The following TOX variants were observed in gnomAD, a reference collection of about 807,000 sequenced individuals.
The protein encoded by TOX is thymocyte selection associated high mobility group box.
In TOX, 11 loss-of-function variants were observed where a neutral mutation model predicts 53.7. That is an observed-to-expected ratio of 0.20 (90% CI 0.13 to 0.34). The LOEUF is 0.34. Among genes scored for constraint, TOX ranks in the 10% least tolerant of loss-of-function variants. TOX has a pLI of 1.00. For missense variants in TOX, 570 were observed against 664.6 expected (o/e 0.86, Z 1.56); for synonymous variants, 225 against 245.3 (o/e 0.92, Z 0.77).
chr8:59,112,120 C>A (rs1437456237), intron 1 of TOX, among the ~76,000 whole-genome samples: 1 of 152,182 alleles, frequency 6.6e-6, no homozygotes, highest in African/African-American at 2.4e-5. Flanking sequence ...TACCTCCCAT[C>A]AGGAAAGAGC....
chr8:58,849,429 T>G (rs895059458), intron 4 of TOX, among the ~76,000 whole-genome samples: 3 of 152,194 alleles, frequency 2.0e-5, no homozygotes, highest in Non-Finnish European at 4.4e-5. Flanking sequence ...ATAAATTATT[T>G]CAAGATGTGG....
At chr8:58,838,699 CTTTTTTT>C (rs35347981) in intron 4 of TOX, among the ~76,000 whole-genome samples, 4 of 88,912 alleles carry the variant, frequency 4.5e-5, no homozygotes, top group African/African-American at 6.0e-5. Flanking sequence ...TTATCCTTGT[CTTTTTTT>C]TTTTTTTTTT....
At chr8:59,000,069 T>A (rs1813660125) in intron 1 of TOX, among the ~76,000 whole-genome samples, 1 of 152,156 alleles carries the variant, frequency 6.6e-6, no homozygotes, top group Admixed American at 6.6e-5. Flanking sequence ...TTTTAAAAAA[T>A]ATAATCAGGT....
intron 1 of TOX, among the ~76,000 whole-genome samples, chr8:59,071,626 T>A: frequency 6.6e-6 from 1 of 152,164 alleles, no homozygotes; most frequent in East Asian, 1.9e-4. Flanking sequence ...GTCACCATAA[T>A]GCCCTATAGT....
intron 3 of TOX, among the ~76,000 whole-genome samples, chr8:58,912,901 T>A (rs1811930081): frequency 6.6e-6 from 1 of 152,220 alleles, no homozygotes; most frequent in Non-Finnish European, 1.5e-5. Flanking sequence ...TCTACCTGTA[T>A]ATCCACAGAG....
chr8:59,075,069 A>G (rs1317283794), intron 1 of TOX, among the ~76,000 whole-genome samples: 1 of 152,238 alleles, frequency 6.6e-6, no homozygotes, highest in East Asian at 1.9e-4. Flanking sequence ...AGACAAATTG[A>G]CAAAATGTAT....
chr8:59,078,443 G>A (rs1804332689), intron 1 of TOX, among the ~76,000 whole-genome samples: 1 of 152,134 alleles, frequency 6.6e-6, no homozygotes, highest in Admixed American at 6.5e-5. Context: ...TCATTTAAAA[G>A]GGCGTGGCAC....
intron 1 of TOX, among the ~76,000 whole-genome samples, chr8:59,113,538 C>T (rs964138846): frequency 3.3e-5 from 5 of 152,004 alleles, no homozygotes; most frequent in Non-Finnish European, 4.4e-5. Context: ...TGGATATGTT[C>T]GCATGATTAT....
chr8:58,881,399 C>T (rs1170093298), intron 3 of TOX, among the ~76,000 whole-genome samples: 2 of 69,352 alleles, frequency 2.9e-5, no homozygotes, highest in Non-Finnish European at 5.1e-5. Flanking sequence ...AACTAGCCCC[C>T]ATCCTTGCAT....
At chr8:58,810,197 A>T (rs1810054271) in intron 7 of TOX, among the ~76,000 whole-genome samples, 1 of 151,878 alleles carries the variant, frequency 6.6e-6, no homozygotes, top group Non-Finnish European at 1.5e-5. Flanking sequence ...AGAGATGGAG[A>T]CTTGCAATGT....
intron 1 of TOX, among the ~76,000 whole-genome samples, chr8:58,999,120 T>C (rs1162303106): frequency 1.3e-5 from 2 of 152,168 alleles, no homozygotes; most frequent in Admixed American, 1.3e-4. Context: ...TTGGTTATAG[T>C]TTTTCGCACT....
At chr8:58,929,362 C>T (rs1350231716) in intron 3 of TOX, among the ~76,000 whole-genome samples, 2 of 151,974 alleles carry the variant, frequency 1.3e-5, no homozygotes, top group Non-Finnish European at 2.9e-5. Flanking sequence ...TTTTCTCCTA[C>T]ACAGTGTGTA....
At chr8:59,084,936 T>A (rs923105196) in intron 1 of TOX, among the ~76,000 whole-genome samples, 1 of 152,208 alleles carries the variant, frequency 6.6e-6, no homozygotes, top group Non-Finnish European at 1.5e-5. Flanking sequence ...CAAGTATAAA[T>A]GAAATGGATA....
At chr8:58,993,961 C>T (rs1813505991) in intron 1 of TOX, among the ~76,000 whole-genome samples, 1 of 151,156 alleles carries the variant, frequency 6.6e-6, no homozygotes, top group East Asian at 2.0e-4. Flanking sequence ...AATTGGTCTA[C>T]CTGTGGGAAA....
chr8:59,051,828 G>A (rs73254497), intron 1 of TOX, among the ~76,000 whole-genome samples: 15,478 of 152,134 alleles, frequency 0.1, 1,196 homozygotes, highest in South Asian at 0.2. Flanking sequence ...TCCCAATACT[G>A]CCCTGATTTC....
intron 1 of TOX, among the ~76,000 whole-genome samples, chr8:59,035,907 T>G (rs1472359316): frequency 1.3e-5 from 2 of 152,254 alleles, no homozygotes; most frequent in African/African-American, 4.8e-5. Flanking sequence ...TTTAAGCTAT[T>G]GTGACAGCAC....
chr8:59,017,887 A>C (rs1229753918), intron 1 of TOX, among the ~76,000 whole-genome samples: 1 of 152,154 alleles, frequency 6.6e-6, no homozygotes, highest in Non-Finnish European at 1.5e-5. Flanking sequence ...AGGTGAATGG[A>C]AAAACAGTTG....
intron 3 of TOX, among the ~76,000 whole-genome samples, chr8:58,879,829 C>A (rs966499062): frequency 2.6e-5 from 4 of 152,126 alleles, no homozygotes; most frequent in African/African-American, 9.7e-5. Context: ...ATATTTTAAT[C>A]ATTTGATCCC....
chr8:58,857,822 T>C (rs144059127), intron 3 of TOX, among the ~76,000 whole-genome samples: 1 of 152,186 alleles, frequency 6.6e-6, no homozygotes, highest in Admixed American at 6.5e-5. Flanking sequence ...CAGGCTACAG[T>C]GCATTTGCAC....
Sources: gnomAD v4.1 joint callset for allele counts (sites outside exome capture counted in the v4.1 genomes callset) on GRCh38, gnomAD v4.1.1 for gene constraint, MANE v1.5 for transcripts, NCBI Gene and HGNC (gene_info 2026-07-23, HGNC 2026-07-21) for gene names.